Variants in LRRC4C observed in about 807,000 individuals in gnomAD.
LRRC4C encodes leucine-rich repeat-containing protein 4C.
A neutral mutation model predicts 33.6 loss-of-function variants in LRRC4C; 5 were observed. The ratio of observed to expected loss-of-function variants is 0.15; its 90% confidence interval spans 0.08 to 0.31. LRRC4C has a LOEUF of 0.31. Among genes scored for constraint, LRRC4C ranks in the 10% least tolerant of loss-of-function variants. The pLI, the probability that LRRC4C is intolerant of heterozygous loss-of-function variation, is 1.00. For missense variants in LRRC4C, 560 were observed against 796.7 expected (o/e 0.70, Z 3.58); for synonymous variants, 329 against 302.0 (o/e 1.09, Z -0.93).
chr11:40,616,426 T>C (rs10837446), intron 3 of LRRC4C, among the ~76,000 whole-genome samples: 75,538 of 151,304 alleles, frequency 0.5, 19,227 homozygotes, highest in East Asian at 0.74. Context: ...ACCCAAAGGA[T>C]TATAAATCAT....
At chr11:40,227,823 T>C (rs1304897146) in intron 5 of LRRC4C, among the ~76,000 whole-genome samples, 1 of 152,072 alleles carries the variant, frequency 6.6e-6, no homozygotes, top group Admixed American at 6.5e-5. Flanking sequence ...TTAACATAGA[T>C]TGTTAATTTT....
At chr11:40,116,357 A>C (rs550491357) in intron 6 of LRRC4C, 23 bp from the exon 7 acceptor site, 38 of 1,516,462 alleles carry the variant, frequency 2.5e-5, no homozygotes, top group African/African-American at 1.8e-4. Context: ...AGCAAAAAAA[A>C]CCAATTATTA....
intron 1 of LRRC4C, among the ~76,000 whole-genome samples, chr11:41,356,111 TTCAA>T (rs1952151773): frequency 6.6e-6 from 1 of 152,172 alleles, no homozygotes; most frequent in Non-Finnish European, 1.5e-5. Flanking sequence ...ATGTGATATA[TTCAA>T]TCATCTTTGT....
intron 3 of LRRC4C, chr11:40,447,228 A>C (rs1288159444): frequency 6.5e-6 from 1 of 153,992 alleles, no homozygotes; most frequent in Non-Finnish European, 1.5e-5. Flanking sequence ...AATTGAGATC[A>C]ACATATGTGT....
At chr11:41,234,565 A>G (rs779911366) in intron 1 of LRRC4C, among the ~76,000 whole-genome samples, 7 of 152,072 alleles carry the variant, frequency 4.6e-5, no homozygotes, top group Middle Eastern at 3.2e-3. Context: ...AAAATAAACG[A>G]TGAAAAGTAG....
intron 1 of LRRC4C, among the ~76,000 whole-genome samples, chr11:41,294,919 C>T (rs1591182961): frequency 6.6e-6 from 1 of 152,136 alleles, no homozygotes; most frequent in South Asian, 2.1e-4. Flanking sequence ...CTAACAATCC[C>T]TCTTATAACA....
Position 40,114,808 on chromosome 11 carries a change from T to C in LRRC4C, c.1485A>G (p.Pro495=). 6.2e-7 allele frequency: 1 copy of C among 1,614,138 alleles called. No individual in the cohort carries two copies. Among genetic ancestry groups the C allele is most frequent in the South Asian group, 1.1e-5 (1 of 91,086 alleles). The stretch of plus-strand genomic sequence containing the variant: ...TTTTCTCTGTCGACCTTGTGCTCTG[T>C]GGTGTGAGAGAGGTGGTCACATTGG... The part of the protein sequence containing the change: ...ETTNVTTSLT[P]QSTRSTEKTF... Residue 495 remains proline (P), a synonymous_variant, in exon 7 of 7, where the codon CCA becomes CCG. Coordinates refer to ENST00000528697, the MANE Select transcript of LRRC4C (RefSeq NM_001258419.2).
chr11:40,758,922 T>G (rs2137050221), intron 2 of LRRC4C, among the ~76,000 whole-genome samples: 1 of 151,856 alleles, frequency 6.6e-6, no homozygotes, highest in East Asian at 1.9e-4. Context: ...AGAAAGAAAT[T>G]ACAGGCTCAG....
intron 3 of LRRC4C, among the ~76,000 whole-genome samples, chr11:40,581,764 A>T (rs1278554510): frequency 6.6e-6 from 1 of 152,080 alleles, no homozygotes; most frequent in Non-Finnish European, 1.5e-5. Flanking sequence ...TTAGCTGGGC[A>T]TGGTGGCACC....
At chr11:41,141,331 T>C (rs1335751861) in intron 1 of LRRC4C, among the ~76,000 whole-genome samples, 3 of 152,060 alleles carry the variant, frequency 2.0e-5, no homozygotes, top group Admixed American at 6.6e-5. Context: ...AGAGCCACTC[T>C]ACCTTATCTG....
chr11:40,549,705 T>C (rs1957061284), intron 3 of LRRC4C, among the ~76,000 whole-genome samples: 1 of 152,166 alleles, frequency 6.6e-6, no homozygotes, highest in African/African-American at 2.4e-5. Flanking sequence ...GTAGGAAGTT[T>C]AATGACTATG....
intron 1 of LRRC4C, among the ~76,000 whole-genome samples, chr11:41,200,359 T>A (rs967401525): frequency 6.6e-6 from 1 of 152,162 alleles, no homozygotes; most frequent in Non-Finnish European, 1.5e-5. Flanking sequence ...CTACCAAGGC[T>A]TTCTACAGGT....
intron 4 of LRRC4C, among the ~76,000 whole-genome samples, chr11:40,256,780 T>C (rs944046977): frequency 5.3e-4 from 81 of 152,172 alleles, no homozygotes; most frequent in African/African-American, 1.9e-3. Flanking sequence ...CTTACTTTAG[T>C]AGGCACAAAG....
At chr11:40,691,993 A>G (rs1355495446) in intron 2 of LRRC4C, among the ~76,000 whole-genome samples, 1 of 152,010 alleles carries the variant, frequency 6.6e-6, no homozygotes, top group Non-Finnish European at 1.5e-5. Context: ...TTCTTAAACA[A>G]TTGAAGTGAC....
chr11:40,444,358 C>A (rs1034470215), intron 3 of LRRC4C, among the ~76,000 whole-genome samples: 5 of 145,214 alleles, frequency 3.4e-5, no homozygotes, highest in Non-Finnish European at 4.6e-5. Context: ...TTTTATTTTT[C>A]TTTTTTTTTT....
chr11:40,261,662 T>C (rs1163720293), intron 4 of LRRC4C, among the ~76,000 whole-genome samples: 1 of 152,102 alleles, frequency 6.6e-6, no homozygotes, highest in Admixed American at 6.6e-5. Context: ...CATCATCCCA[T>C]AGCCCTAGAA....
intron 2 of LRRC4C, among the ~76,000 whole-genome samples, chr11:40,746,474 C>T (rs144936832): frequency 3.3e-5 from 5 of 152,148 alleles, no homozygotes; most frequent in African/African-American, 7.2e-5. Context: ...GGCAGAGGTG[C>T]GTGTAGAGTA....
intron 1 of LRRC4C, among the ~76,000 whole-genome samples, chr11:41,312,814 T>A (rs1051862227): frequency 6.6e-6 from 1 of 152,132 alleles, no homozygotes; most frequent in African/African-American, 2.4e-5. Flanking sequence ...CTGGTTTCCT[T>A]AGGGTTAGCA....
chr11:40,407,502 C>T (rs1434974359), intron 3 of LRRC4C, among the ~76,000 whole-genome samples: 2 of 152,080 alleles, frequency 1.3e-5, no homozygotes, highest in Non-Finnish European at 2.9e-5. Context: ...TGAAAGTCAT[C>T]AGTTTAATGA....
Sources: gnomAD v4.1 joint callset for allele counts (sites outside exome capture counted in the v4.1 genomes callset) on GRCh38, gnomAD v4.1.1 for gene constraint, MANE v1.5 for transcripts, NCBI Gene and HGNC (gene_info 2026-07-23, HGNC 2026-07-21) for gene names.